The following CACNG3 variants were observed in gnomAD, a reference collection of about 807,000 sequenced individuals.
CACNG3 encodes voltage-dependent calcium channel gamma-3 subunit.
Under a neutral mutation model 28.5 loss-of-function variants are expected in CACNG3, and 3 were observed. The ratio of observed to expected loss-of-function variants is 0.11; its 90% confidence interval spans 0.05 to 0.27. The LOEUF (loss-of-function observed/expected upper bound fraction) is 0.27. CACNG3 is among the 10% of genes least tolerant of loss of function. The pLI, the probability that CACNG3 is intolerant of heterozygous loss-of-function variation, is 1.00. For missense variants in CACNG3, 236 were observed against 414.4 expected (o/e 0.57, Z 3.74); for synonymous variants, 174 against 162.2 (o/e 1.07, Z -0.55).
chr16:24,268,714 G>C (rs1390208712), intron 1 of CACNG3, among the ~76,000 whole-genome samples: 2 of 152,192 alleles, frequency 1.3e-5, no homozygotes, highest in African/African-American at 4.8e-5. Context: ...GAGTCTGATG[G>C]GATGCAGGTG....
At chr16:24,327,629 AAAAAC>A (rs149937641) in intron 1 of CACNG3, among the ~76,000 whole-genome samples, 4 of 150,026 alleles carry the variant, frequency 2.7e-5, no homozygotes, top group African/African-American at 1.0e-4. Context: ...CAAAAAAAAC[AAAAAC>A]AAAACAAAAC....
intron 1 of CACNG3, among the ~76,000 whole-genome samples, chr16:24,295,207 A>G (rs1899016066): frequency 6.6e-6 from 1 of 152,128 alleles, no homozygotes; most frequent in African/African-American, 2.4e-5. Context: ...CTTTCTCCAG[A>G]CTTGCCGCCT....
At chr16:24,305,318 ATATGTGTGTGTG>A (rs1299554657) in intron 1 of CACNG3, among the ~76,000 whole-genome samples, 1 of 118,482 alleles carries the variant, frequency 8.4e-6, no homozygotes, top group African/African-American at 3.2e-5. Flanking sequence ...ATATACATAA[ATATGTGTGTGTG>A]TGTGTGTGTG....
chr16:24,315,485 T>C (rs1157439336), intron 1 of CACNG3, among the ~76,000 whole-genome samples: 1 of 148,344 alleles, frequency 6.7e-6, no homozygotes, highest in Admixed American at 6.7e-5. Context: ...CTCTCTCTCT[T>C]TCTTTCTTTT....
In CACNG3 at chr16:24,317,552, GAAAAAGAAAGAAAGAA is replaced by G. The variant is rs1431623682; in HGVS notation, c.212-29180_212-29165del. Among the ~76,000 whole-genome samples, 89 of 63,260 alleles carry G rather than the reference GAAAAAGAAAGAAAGAA, an allele frequency of 1.4e-3. 1 individual carries two copies. The highest frequency in any genetic ancestry group is 1.4e-3 in the Non-Finnish European group (41 of 28,894). 41.5% of individuals were successfully genotyped at this position (63,260 alleles called of 152,430 possible). A position where few individuals can be genotyped will look rare whatever the true frequency, so the allele number is the denominator to read the frequency against. On this transcript the variant is annotated intron_variant, in intron 1 of 3. Transcript: ENST00000005284. ...GAGATTCTGTCTCAAAAAAAAAAAA[GAAAAAGAAAGAAAGAA>G]AGAAAGAAAGAAAGAAAGAAAGAAA... is the stretch of plus-strand genomic sequence containing the variant.
At chr16:24,351,674 G>GAA (rs1230143275) in intron 2 of CACNG3, among the ~76,000 whole-genome samples, 5 of 141,406 alleles carry the variant, frequency 3.5e-5, no homozygotes, top group African/African-American at 5.3e-5. Flanking sequence ...AAGAAAGAAA[G>GAA]AAAGAAAGAA....
intron 1 of CACNG3, among the ~76,000 whole-genome samples, chr16:24,299,222 T>C (rs1162771374): frequency 6.6e-6 from 1 of 152,204 alleles, no homozygotes; most frequent in African/African-American, 2.4e-5. Flanking sequence ...ATTTATTTAT[T>C]CATTTATTTA....
At chr16:24,332,144 C>T (rs1236385498) in intron 1 of CACNG3, among the ~76,000 whole-genome samples, 13 of 152,146 alleles carry the variant, frequency 8.5e-5, no homozygotes, top group Non-Finnish European at 1.9e-4. Flanking sequence ...ACCTAGGTGC[C>T]TCTCCAGATA....
chr16:24,264,103 G>A (rs1898567644), intron 1 of CACNG3, among the ~76,000 whole-genome samples: 1 of 152,236 alleles, frequency 6.6e-6, no homozygotes, highest in Admixed American at 6.5e-5. Flanking sequence ...TCTGGGAGTG[G>A]GCAGCTGAGC....
intron 1 of CACNG3, among the ~76,000 whole-genome samples, chr16:24,327,864 C>T (rs1223508987): frequency 1.3e-5 from 2 of 151,866 alleles, no homozygotes; most frequent in Non-Finnish European, 2.9e-5. Context: ...ATCACTTGAG[C>T]CCAGGAGTTT....
chr16:24,337,898 T>G (rs1474082283), intron 1 of CACNG3, among the ~76,000 whole-genome samples: 1 of 141,310 alleles, frequency 7.1e-6, no homozygotes, highest in Non-Finnish European at 1.5e-5. Flanking sequence ...GAGTTGCACA[T>G]GGACATGGGC....
At position 24,286,919 on chromosome 16, in the gene CACNG3, C is replaced by T. The variant is rs546566232; in HGVS notation, c.211+29954C>T. ...CCCCAGGCAGAGCCACACCTTGCCT[C>T]CTGCTGTGAAGGAGGAAGGCTCCTG... On this transcript the variant is annotated intron_variant, in intron 1 of 3. Coordinates refer to ENST00000005284, the MANE Select transcript of CACNG3 (RefSeq NM_006539.4). 5.9e-5 allele frequency among the ~76,000 whole-genome samples: 9 copies of T among 152,316 alleles called. No homozygotes were observed. The East Asian group carries it at 7.7e-4, about 13-fold the overall frequency.
At position 24,361,850 on chromosome 16, in the gene CACNG3, C is replaced by G. The variant is rs767420584; in HGVS notation, c.935C>G (p.Thr312Ser). The G allele has an allele frequency of 6.2e-7, 1 of 1,606,274 alleles. No homozygotes were observed. Among genetic ancestry groups the G allele is most frequent in the Non-Finnish European group, 8.5e-7 (1 of 1,178,802 alleles). Residue 312 changes from threonine to serine, a missense_variant, in exon 4 of 4, where the codon ACC becomes AGC. Physicochemically the swap from Thr to Ser is moderately conservative, Grantham distance 58. Around this residue, in one of 2 missense-constraint regions of CACNG3, gnomAD observed 116 missense variants for 151.0 expected, o/e 0.77. Coordinates refer to ENST00000005284, the MANE Select transcript of CACNG3 (RefSeq NM_006539.4). The surrounding 1 kb of genome is among the most constrained non-coding windows in gnomAD (Gnocchi z 6.8). ...CATAATAATCCGGCCAACAGGCGCACCACGCCCGTCTGAACTGACCTCTGA... is the reference window on the plus strand; with the variant it reads ...CATAATAATCCGGCCAACAGGCGCAGCACGCCCGTCTGAACTGACCTCTGA... ...SLHNNPANRR[T>S]TPV
chr16:24,272,099 C>CT (rs929230844), intron 1 of CACNG3, among the ~76,000 whole-genome samples: 15 of 137,486 alleles, frequency 1.1e-4, no homozygotes, highest in Admixed American at 3.0e-4. Context: ...TTCTCTCTCT[C>CT]TTTTTTTTTT....
chr16:24,361,560 C>T lies in CACNG3; in HGVS notation c.645C>T (p.Phe215=). The change falls in exon 4 of 4, where the codon TTC becomes TTT. Residue 215 remains phenylalanine, a synonymous_variant. Coordinates refer to ENST00000005284, the MANE Select transcript of CACNG3 (RefSeq NM_006539.4). The surrounding 1 kb of genome is among the most constrained non-coding windows in gnomAD (Gnocchi z 6.8). ...TACGAGCCAAATCCCACTCGGAGTT[C>T]CTGAAGAAATCTACTTTTGCCCGCC... ...QQLRAKSHSE[F]LKKSTFARLP... is the part of the protein sequence containing the mutation. The T allele has an allele frequency of 6.2e-7, 1 of 1,614,036 alleles. No homozygotes were observed. The highest frequency in any genetic ancestry group is 8.5e-7 in the Non-Finnish European group (1 of 1,179,988).
chr16:24,297,528 C>CCACT (rs1458765355), intron 1 of CACNG3, among the ~76,000 whole-genome samples: 11 of 152,060 alleles, frequency 7.2e-5, no homozygotes, highest in Non-Finnish European at 1.2e-4. Flanking sequence ...ACCCGCCCAC[C>CCACT]CACTCACTCA....
At chr16:24,356,419 C>T (rs757198) in intron 3 of CACNG3, among the ~76,000 whole-genome samples, 48,639 of 152,124 alleles carry the variant, frequency 0.32, 8,495 homozygotes, top group East Asian at 0.69. Flanking sequence ...GTACCAACTG[C>T]AGCTGGGCTT....
At chr16:24,326,344 T>C (rs531713270) in intron 1 of CACNG3, among the ~76,000 whole-genome samples, 2 of 152,248 alleles carry the variant, frequency 1.3e-5, no homozygotes, top group South Asian at 2.1e-4. Flanking sequence ...GCTCATTTTG[T>C]ATTTTTAGTA....
At chr16:24,322,281 G>A (rs982011093) in intron 1 of CACNG3, among the ~76,000 whole-genome samples, 7 of 152,056 alleles carry the variant, frequency 4.6e-5, no homozygotes, top group Non-Finnish European at 7.4e-5. Context: ...CAGATGCCCC[G>A]GGAGAACACC....
Sources: allele counts gnomAD v4.1 joint callset (sites outside exome capture counted in the v4.1 genomes callset), GRCh38; gene constraint gnomAD v4.1.1; regional missense constraint gnomAD v4.1.1; non-coding constraint Gnocchi (gnomAD v3.1); transcripts MANE v1.5; gene names NCBI Gene and HGNC (gene_info 2026-07-23, HGNC 2026-07-21).